The following OSBP2 variants were observed in gnomAD, a reference collection of about 807,000 sequenced individuals.
OSBP2 encodes oxysterol binding protein 2.
A neutral mutation model predicts 96.0 loss-of-function variants in OSBP2; 66 were observed. The ratio of observed to expected loss-of-function variants is 0.69; its 90% CI spans 0.56 to 0.84. The LOEUF (loss-of-function observed/expected upper bound fraction) is 0.84. OSBP2 is among the 40% of genes least tolerant of loss of function. The pLI, the probability that OSBP2 is intolerant of heterozygous loss-of-function variation, is 0.00. For synonymous variants in OSBP2, 525 were observed against 520.9 expected (o/e 1.01, Z -0.11); for missense variants, 1,038 against 1,222.7 (o/e 0.85, Z 2.25).
At chr22:30,902,157 G>C (rs535366625) in intron 12 of OSBP2, 36 of 398,674 alleles carry the variant, frequency 9.0e-5, no homozygotes, top group African/African-American at 6.9e-4. Context: ...AAAAAACAGA[G>C]GGTCCCACGG....
chr22:30,753,258 T>G (rs1299698484), intron 2 of OSBP2, among the ~76,000 whole-genome samples: 1 of 151,734 alleles, frequency 6.6e-6, no homozygotes, highest in African/African-American at 2.4e-5. Flanking sequence ...AGGTGGGGTG[T>G]GGGGATAGGA....
At chr22:30,773,432 C>T (rs1219937285) in intron 2 of OSBP2, among the ~76,000 whole-genome samples, 1 of 152,152 alleles carries the variant, frequency 6.6e-6, no homozygotes, top group Non-Finnish European at 1.5e-5. Flanking sequence ...ACAACTCCTT[C>T]ATAGCACCCA....
At chr22:30,873,713 C>T (rs917280343) in intron 3 of OSBP2, among the ~76,000 whole-genome samples, 3 of 152,236 alleles carry the variant, frequency 2.0e-5, no homozygotes, top group African/African-American at 7.2e-5. Flanking sequence ...AGGGCAGACC[C>T]TCTTCCTCGT....
intron 2 of OSBP2, among the ~76,000 whole-genome samples, chr22:30,824,864 G>T (rs907127204): frequency 6.6e-6 from 1 of 152,320 alleles, no homozygotes; most frequent in Admixed American, 6.5e-5. Flanking sequence ...AGGTCTGGGC[G>T]TATGGAGGTG....
chr22:30,870,381 TACC>T lies in OSBP2; in HGVS notation c.854-45_854-43del. On this transcript the variant is annotated intron_variant, in intron 2 of 13. Coordinates refer to ENST00000332585, the MANE Select transcript of OSBP2 (RefSeq NM_030758.4). This position sits in a 1 kb window ranked among gnomAD's most constrained non-coding sequence, Gnocchi z 4.1. The stretch of plus-strand genomic sequence containing the variant: ...CGGCCTGGCTGTGCAGGCCTCTTGG[TACC>T]ACGTCTGTTCGTAATGACCGTAACA... The T allele has an allele frequency of 2.5e-6, 4 of 1,602,234 alleles. No individual in the cohort carries two copies. The highest frequency in any genetic ancestry group is 3.4e-6 in the Non-Finnish European group (4 of 1,175,098).
rs530369225 is a variant in OSBP2, at chr22:30,837,411, G to C, written c.854-33018G>C. Among the ~76,000 whole-genome samples the C allele has an allele frequency of 5.9e-5, 9 of 152,286 alleles. No individual in the cohort carries two copies. The South Asian group carries it at 1.9e-3, about 32-fold the overall frequency. Reference sequence around the variant, plus strand: ...AACCACTGAGACCCCTTTTGCTGGGGTCCCGCTCGTCCCCATGAGAAGGAG... The same window carrying C: ...AACCACTGAGACCCCTTTTGCTGGGCTCCCGCTCGTCCCCATGAGAAGGAG... On this transcript the variant is annotated intron_variant, in intron 2 of 13. Coordinates refer to ENST00000332585, the MANE Select transcript of OSBP2 (RefSeq NM_030758.4).
At chr22:30,730,812 T>TTATTA (rs1569100836) in intron 1 of OSBP2, among the ~76,000 whole-genome samples, 1 of 48,440 alleles carries the variant, frequency 2.1e-5, no homozygotes, top group Non-Finnish European at 3.7e-5. Context: ...ATATATAATT[T>TTATTA]TTTTTTTTTT....
intron 1 of OSBP2, among the ~76,000 whole-genome samples, chr22:30,725,411 T>A (rs1441119567): frequency 6.6e-6 from 1 of 151,772 alleles, no homozygotes; most frequent in Non-Finnish European, 1.5e-5. Flanking sequence ...CTCGGGAGGC[T>A]GAAGCATGAG....
intron 2 of OSBP2, among the ~76,000 whole-genome samples, chr22:30,838,761 T>A (rs532876512): frequency 6.6e-6 from 1 of 152,240 alleles, no homozygotes; most frequent in African/African-American, 2.4e-5. Flanking sequence ...TCTGTTAATA[T>A]AGTGAATTAT....
At chr22:30,785,473 A>G (rs972189915) in intron 2 of OSBP2, among the ~76,000 whole-genome samples, 3 of 151,932 alleles carry the variant, frequency 2.0e-5, no homozygotes, top group Non-Finnish European at 2.9e-5. Context: ...AAGCTGAGGA[A>G]AGAGAATCAC....
At chr22:30,733,539 C>CA (rs2089810664) in intron 1 of OSBP2, among the ~76,000 whole-genome samples, 1 of 152,042 alleles carries the variant, frequency 6.6e-6, no homozygotes, top group South Asian at 2.1e-4. Context: ...CTCAGGAAAC[C>CA]AGATTGCATA....
chr22:30,889,683 T>A, intron 7 of OSBP2, 47 bp downstream of exon 7: 1 of 1,592,948 alleles, frequency 6.3e-7, no homozygotes, highest in Non-Finnish European at 8.6e-7. Flanking sequence ...CTGGGGCTGC[T>A]TTCCTGTGCG....
At position 30,890,867 on chromosome 22, in the gene OSBP2, A is replaced by G. The variant is rs2039932459; in HGVS notation, c.1763A>G (p.Tyr588Cys). Reference sequence around the variant, plus strand: ...GTGGCCGCCTTCTCTGTGTCCTCCTACTCCACCACAGTGCACCGCATCGCC... The same window carrying G: ...GTGGCCGCCTTCTCTGTGTCCTCCTGCTCCACCACAGTGCACCGCATCGCC... ...CLVAAFSVSSYSTTVHRIAKP... is the reference protein window; with the variant it reads ...CLVAAFSVSSCSTTVHRIAKP... Residue 588 changes from tyrosine to cysteine, a missense_variant, in exon 8 of 14, where the codon TAC (tyrosine) becomes TGC (cysteine). Physicochemically the swap from Tyr to Cys is radical, Grantham distance 194. Coordinates refer to ENST00000332585, the MANE Select transcript of OSBP2 (RefSeq NM_030758.4). The surrounding 1 kb of genome is among the most constrained non-coding windows in gnomAD (Gnocchi z 4.4). 3 of 1,613,440 alleles carry G rather than the reference A, an allele frequency of 1.9e-6. No individual in the cohort carries two copies. The highest frequency in any genetic ancestry group is 2.5e-6 in the Non-Finnish European group (3 of 1,179,954).
chr22:30,883,887 G>A (rs2039754404), intron 3 of OSBP2, among the ~76,000 whole-genome samples: 2 of 152,198 alleles, frequency 1.3e-5, no homozygotes, highest in African/African-American at 2.4e-5. Context: ...TGTTTTCAGG[G>A]TCCTCACTCT....
chr22:30,899,675 T>G (rs2040153876), intron 12 of OSBP2, among the ~76,000 whole-genome samples: 1 of 152,184 alleles, frequency 6.6e-6, no homozygotes, highest in East Asian at 1.9e-4. Flanking sequence ...AAACTAGCAG[T>G]AGGAAAATAA....
Position 30,870,299 on chromosome 22 carries a change from C to CG in OSBP2, c.854-127dup, listed in dbSNP as rs1569158377. 6.3e-6 allele frequency: 6 copies of CG among 959,556 alleles called. 1 individual carries two copies. 59.4% of individuals were successfully genotyped at this position (959,556 alleles called of 1,614,324 possible). The stretch of plus-strand genomic sequence containing the variant: ...ACCTCACCCCGGCCAGGAACAGGAA[C>CG]GGGCACCATCTCGGGGACTGATGTT... On this transcript the variant is annotated intron_variant, in intron 2 of 13. Transcript: ENST00000332585. The surrounding 1 kb of genome is among the most constrained non-coding windows in gnomAD (Gnocchi z 4.1).
rs1177445297 is a variant in OSBP2 at position 30,889,651 on chromosome 22, C to T, written c.1623+15C>T. 1.2e-6 allele frequency: 2 copies of T among 1,613,414 alleles called. No homozygotes were observed. The highest frequency in any genetic ancestry group is 2.2e-5 in the East Asian group (1 of 44,876). ...TCCCCATGCCGGTGGGTGGCTCGGG[C>T]AGGGCAGCCCCGACAGGTCCTCTGG... On this transcript the variant is annotated intron_variant, in intron 7 of 13. Transcript: ENST00000332585.
At chr22:30,728,342 C>G (rs1473568584) in intron 1 of OSBP2, among the ~76,000 whole-genome samples, 3 of 149,972 alleles carry the variant, frequency 2.0e-5, no homozygotes, top group Non-Finnish European at 3.0e-5. Context: ...TTGCAGTGAG[C>G]CAAGATCGCG....
intron 2 of OSBP2, among the ~76,000 whole-genome samples, chr22:30,790,820 G>A (rs1602268240): frequency 6.6e-6 from 1 of 152,166 alleles, no homozygotes; most frequent in African/African-American, 2.4e-5. Flanking sequence ...ATTCCTTCCC[G>A]TATCTCTATG....
Sources: allele counts gnomAD v4.1 joint callset (sites outside exome capture counted in the v4.1 genomes callset), GRCh38; gene constraint gnomAD v4.1.1; non-coding constraint Gnocchi (gnomAD v3.1); transcripts MANE v1.5; gene names NCBI Gene and HGNC (gene_info 2026-07-23, HGNC 2026-07-21).